The following AKR1C8 variants were observed in gnomAD, a reference collection of about 807,000 sequenced individuals.
The protein encoded by AKR1C8 is aldo-keto reductase family 1 member C8.
At chr10:5,133,583 C>A in the AKR1C8 span, among the ~76,000 whole-genome samples, 1 of 152,146 alleles carries the variant, frequency 6.6e-6, no homozygotes, top group African/African-American at 2.4e-5. Flanking sequence ...TATTTGGACA[C>A]TTCATTCCCA....
chr10:5,125,180 A>G, the AKR1C8 span, among the ~76,000 whole-genome samples: 7 of 152,056 alleles, frequency 4.6e-5, no homozygotes, highest in African/African-American at 1.7e-4. Context: ...ATCTTTTTAT[A>G]TTATATGGTA....
At chr10:5,172,277 C>T in the AKR1C8 span, among the ~76,000 whole-genome samples, 7 of 152,012 alleles carry the variant, frequency 4.6e-5, no homozygotes, top group African/African-American at 1.7e-4. Context: ...TTCTGATATG[C>T]CTTAATTTTT....
chr10:5,163,104 G>T, the AKR1C8 span: 3 of 436,268 alleles, frequency 6.9e-6, no homozygotes, highest in Admixed American at 6.9e-5. Flanking sequence ...TTCACTGTCG[G>T]TTTCTGCTGG....
chr10:5,158,611 T>G, the AKR1C8 span: 2 of 477,418 alleles, frequency 4.2e-6, no homozygotes, highest in Non-Finnish European at 8.7e-6. Context: ...ACTGTGGGTC[T>G]CTTTGGGATC....
At chr10:5,163,114 G>T in the AKR1C8 span, 17 of 422,646 alleles carry the variant, frequency 4.0e-5, no homozygotes, top group African/African-American at 3.2e-4. Flanking sequence ...GTTTCTGCTG[G>T]CCGCCTCCTC....
the AKR1C8 span, chr10:5,161,623 C>A: frequency 1.9e-6 from 1 of 514,638 alleles, no homozygotes; most frequent in Non-Finnish European, 4.0e-6. Flanking sequence ...GAAGTGAGAT[C>A]ATTGAATCTG....
At chr10:5,158,942 C>A in the AKR1C8 span, among the ~76,000 whole-genome samples, 3 of 152,068 alleles carry the variant, frequency 2.0e-5, no homozygotes, top group Non-Finnish European at 2.9e-5. Flanking sequence ...TATTAAAATA[C>A]CTTGTGCCCC....
At chr10:5,141,032 A>G in the AKR1C8 span, among the ~76,000 whole-genome samples, 1 of 152,150 alleles carries the variant, frequency 6.6e-6, no homozygotes, top group Non-Finnish European at 1.5e-5. Flanking sequence ...CAGCTTACAC[A>G]GTGTGGAACT....
chr10:5,124,470 G>C, the AKR1C8 span, among the ~76,000 whole-genome samples: 2 of 151,670 alleles, frequency 1.3e-5, no homozygotes, highest in Non-Finnish European at 2.9e-5. Context: ...ACTTGGTGAG[G>C]GATTCTTTTT....
the AKR1C8 span, among the ~76,000 whole-genome samples, chr10:5,134,795 A>G: frequency 6.6e-6 from 1 of 152,220 alleles, no homozygotes; most frequent in African/African-American, 2.4e-5. Flanking sequence ...TATAGAAAGA[A>G]ACGGAGAAAC....
chr10:5,144,449 G>A, the AKR1C8 span, among the ~76,000 whole-genome samples: 4,595 of 151,660 alleles, frequency 0.03, 230 homozygotes, highest in African/African-American at 0.11. Flanking sequence ...CATTGAATCT[G>A]TAAATTACCT....
At chr10:5,161,362 G>A in the AKR1C8 span, among the ~76,000 whole-genome samples, 2 of 152,206 alleles carry the variant, frequency 1.3e-5, no homozygotes, top group Non-Finnish European at 1.5e-5. Context: ...CGTCCACTGT[G>A]ATGAGAGGTT....
chr10:5,138,205 G>C, the AKR1C8 span, among the ~76,000 whole-genome samples: 1 of 152,030 alleles, frequency 6.6e-6, no homozygotes, highest in African/African-American at 2.4e-5. Context: ...GGTACTGCAG[G>C]AGACCAGGGT....
At chr10:5,165,387 T>C in the AKR1C8 span, among the ~76,000 whole-genome samples, 1 of 152,098 alleles carries the variant, frequency 6.6e-6, no homozygotes, top group Non-Finnish European at 1.5e-5. Flanking sequence ...CAACACCTCC[T>C]AGGGGGATAG....
chr10:5,172,131 A>C, the AKR1C8 span, among the ~76,000 whole-genome samples: 1 of 152,228 alleles, frequency 6.6e-6, no homozygotes, highest in East Asian at 1.9e-4. Flanking sequence ...ACTTAGCTGC[A>C]AACAGGCAAG....
chr10:5,145,016 A>G, the AKR1C8 span, among the ~76,000 whole-genome samples: 2 of 151,652 alleles, frequency 1.3e-5, no homozygotes, highest in African/African-American at 4.8e-5. Context: ...TTTGTCATAG[A>G]TAGCTCTTAT....
the AKR1C8 span, among the ~76,000 whole-genome samples, chr10:5,139,156 G>A: frequency 6.6e-6 from 1 of 151,272 alleles, no homozygotes; most frequent in Non-Finnish European, 1.5e-5. Context: ...AAATAAAAGA[G>A]GACACAATGG....
chr10:5,140,642 T>C, the AKR1C8 span, among the ~76,000 whole-genome samples: 1 of 148,592 alleles, frequency 6.7e-6, no homozygotes, highest in Non-Finnish European at 1.5e-5. Flanking sequence ...CACCAGGACC[T>C]GTTGTGGGGT....
chr10:5,143,155 A>T, the AKR1C8 span, among the ~76,000 whole-genome samples: 1 of 152,104 alleles, frequency 6.6e-6, no homozygotes, highest in Admixed American at 6.6e-5. Flanking sequence ...ACTTAAAAAA[A>T]TTGCCCTAAT....
Sources: gnomAD v4.1 joint callset for allele counts (sites outside exome capture counted in the v4.1 genomes callset) on GRCh38, gnomAD v4.1.1 for gene constraint, MANE v1.5 for transcripts, NCBI Gene and HGNC (gene_info 2026-07-23, HGNC 2026-07-21) for gene names.